The following ATP9B variants were observed in gnomAD, a reference collection of about 807,000 sequenced individuals.
ATP9B encodes the protein ATPase phospholipid transporting 9B.
A neutral mutation model predicts 146.1 loss-of-function variants in ATP9B; 110 were observed. That is an observed-to-expected ratio of 0.75 (90% CI 0.65 to 0.88). The LOEUF (loss-of-function observed/expected upper bound fraction) is 0.88, where lower values mean the gene tolerates loss of function less well. ATP9B is among the 40% of genes least tolerant of loss of function. The pLI is 0.00. For missense variants in ATP9B, 1,499 were observed against 1,496.4 expected, an observed-to-expected ratio of 1.00 and a Z score of -0.03; for synonymous variants, 604 against 569.7, an observed-to-expected ratio of 1.06 and a Z score of -0.86.
chr18:79,277,435 A>T lies in ATP9B; in HGVS notation c.1411+239A>T, dbSNP rs1247387122. The stretch of plus-strand genomic sequence containing the variant: ...AAAATGTTAAGTTCTTAGAGCTTTA[A>T]GTAACATATTTCTGTGTTTTTAATT... On this transcript the variant is annotated intron_variant, in intron 13 of 29. Coordinates refer to ENST00000426216, the MANE Select transcript of ATP9B (RefSeq NM_198531.5). 2.0e-5 allele frequency among the ~76,000 whole-genome samples: 3 copies of T among 152,180 alleles called. No individual in the cohort carries two copies. In the East Asian group the frequency reaches 5.8e-4, roughly 29 times the overall value.
Position 79,372,889 on chromosome 18 carries a change from C to T in ATP9B, c.3070+7C>T, listed in dbSNP as rs578132097. ...TTAATAAGTATTTACCAAGGTAAGA[C>T]GAGATCCTTAGTTTACTGGACTAAA... On this transcript the variant is annotated splice_region_variant and intron_variant, in intron 27 of 29. Coordinates refer to ENST00000426216, the MANE Select transcript of ATP9B (RefSeq NM_198531.5). The T allele has an allele frequency of 8.1e-6, 13 of 1,595,480 alleles. No homozygotes were observed. In the African/African-American group the frequency reaches 9.4e-5, roughly 12 times the overall value.
chr18:79,137,757 A>C (rs902458891), intron 5 of ATP9B, among the ~76,000 whole-genome samples: 1 of 152,116 alleles, frequency 6.6e-6, no homozygotes, highest in South Asian at 2.1e-4. Flanking sequence ...TCCTGGCTCC[A>C]ATGCCTCCTT....
intron 11 of ATP9B, among the ~76,000 whole-genome samples, chr18:79,244,566 T>C (rs966098898): frequency 4.6e-5 from 7 of 152,214 alleles, no homozygotes; most frequent in Admixed American, 6.5e-5. Context: ...TCATGAGTTT[T>C]TAATAGAATC....
intron 5 of ATP9B, among the ~76,000 whole-genome samples, chr18:79,140,276 A>G (rs1326856843): frequency 2.0e-5 from 3 of 152,178 alleles, no homozygotes; most frequent in Non-Finnish European, 2.9e-5. Context: ...TGAGGAACTT[A>G]TATTTTTTGA....
chr18:79,096,220 C>T (rs1177476012), intron 1 of ATP9B, among the ~76,000 whole-genome samples: 2 of 152,118 alleles, frequency 1.3e-5, no homozygotes, highest in African/African-American at 2.4e-5. Flanking sequence ...TGCCCATCCG[C>T]ACCACAGATG....
chr18:79,109,721 A>G (rs2075878293), intron 2 of ATP9B, among the ~76,000 whole-genome samples: 1 of 152,050 alleles, frequency 6.6e-6, no homozygotes, highest in Non-Finnish European at 1.5e-5. Context: ...GCCTGCCACC[A>G]TGGCTGGCTA....
At chr18:79,195,238 A>G (rs1281218088) in intron 9 of ATP9B, among the ~76,000 whole-genome samples, 1 of 141,206 alleles carries the variant, frequency 7.1e-6, no homozygotes, top group Non-Finnish European at 1.5e-5. Flanking sequence ...CAGATTCAAG[A>G]AAAATAGCTC....
chr18:79,084,981 T>C (rs1392440312), intron 1 of ATP9B, among the ~76,000 whole-genome samples: 2 of 148,226 alleles, frequency 1.3e-5, no homozygotes, highest in Non-Finnish European at 1.5e-5. Context: ...TAAAGAAATA[T>C]AATACTTGAG....
chr18:79,345,678 C>T, intron 22 of ATP9B, 97 bp from the exon 23 acceptor site: 2 of 1,599,840 alleles, frequency 1.3e-6, no homozygotes, highest in Admixed American at 1.7e-5. Flanking sequence ...GATTTCATCT[C>T]CATTCATGGA....
At chr18:79,108,281 T>C (rs968249393) in intron 2 of ATP9B, among the ~76,000 whole-genome samples, 2 of 152,212 alleles carry the variant, frequency 1.3e-5, no homozygotes, top group African/African-American at 4.8e-5. Flanking sequence ...GAAAGCTTAC[T>C]CTATTTTATT....
chr18:79,290,519 A>G (rs1297123839), intron 13 of ATP9B, among the ~76,000 whole-genome samples: 1 of 151,962 alleles, frequency 6.6e-6, no homozygotes, highest in African/African-American at 2.4e-5. Flanking sequence ...GCTGTCTGTC[A>G]CCCCTTTCTT....
intron 14 of ATP9B, among the ~76,000 whole-genome samples, chr18:79,305,653 A>C: frequency 6.6e-6 from 1 of 152,262 alleles, no homozygotes; most frequent in Non-Finnish European, 1.5e-5. Context: ...ATAAGTTATT[A>C]GGAAAAAATT....
intron 13 of ATP9B, among the ~76,000 whole-genome samples, chr18:79,279,118 G>T (rs933327379): frequency 6.6e-6 from 1 of 152,220 alleles, no homozygotes. Context: ...CGGCGCCTGT[G>T]AGAGCAGGTG....
At chr18:79,260,212 A>G (rs1212102823) in intron 12 of ATP9B, among the ~76,000 whole-genome samples, 1 of 152,224 alleles carries the variant, frequency 6.6e-6, no homozygotes, top group Non-Finnish European at 1.5e-5. Context: ...ACTTGCAATC[A>G]TGGCGGAAGG....
chr18:79,123,943 C>T (rs1568225524), intron 4 of ATP9B, among the ~76,000 whole-genome samples: 1 of 152,134 alleles, frequency 6.6e-6, no homozygotes, highest in East Asian at 1.9e-4. Flanking sequence ...TAGAGGAATG[C>T]CAGTTAAAAC....
chr18:79,181,818 G>A (rs569953075), intron 8 of ATP9B, among the ~76,000 whole-genome samples: 1 of 152,114 alleles, frequency 6.6e-6, no homozygotes, highest in East Asian at 1.9e-4. Context: ...GGCTTCATTG[G>A]ACTATTTCAA....
intron 11 of ATP9B, among the ~76,000 whole-genome samples, chr18:79,240,282 A>G (rs2095876263): frequency 6.6e-6 from 1 of 152,266 alleles, no homozygotes; most frequent in African/African-American, 2.4e-5. Flanking sequence ...AGGAAGTTTT[A>G]TCACATCCAA....
intron 15 of ATP9B, among the ~76,000 whole-genome samples, chr18:79,310,787 GT>G (rs58315954): frequency 4.0e-5 from 6 of 151,142 alleles, no homozygotes; most frequent in Admixed American, 6.6e-5. Flanking sequence ...ACTTCCAGGG[GT>G]TTTTTTTTGT....
At chr18:79,238,231 A>G (rs1178032177) in intron 11 of ATP9B, among the ~76,000 whole-genome samples, 1 of 152,036 alleles carries the variant, frequency 6.6e-6, no homozygotes, top group Non-Finnish European at 1.5e-5. Context: ...ATGACTGGAT[A>G]AGTGATCCTT....
Sources: gnomAD v4.1 joint callset for allele counts (sites outside exome capture counted in the v4.1 genomes callset) on GRCh38, gnomAD v4.1.1 for gene constraint, MANE v1.5 for transcripts, NCBI Gene and HGNC (gene_info 2026-07-23, HGNC 2026-07-21) for gene names.